Variants in RBBP8 observed in about 807,000 individuals in gnomAD.
RBBP8 encodes the protein DNA endonuclease RBBP8.
A neutral mutation model predicts 108.3 loss-of-function variants in RBBP8; 88 were observed. The observed-to-expected ratio is 0.81, with a 90% CI of 0.68 to 0.97. The LOEUF (loss-of-function observed/expected upper bound fraction) is 0.97, where lower values mean the gene tolerates loss of function less well. Ranked by LOEUF, RBBP8 falls within the 50% of genes least tolerant of loss-of-function variation. The pLI is 0.00. For synonymous variants in RBBP8, 332 were observed against 348.2 expected, an observed-to-expected ratio of 0.95 and a Z score of 0.52; for missense variants, 1,023 against 1,049.0, an observed-to-expected ratio of 0.98 and a Z score of 0.34.
At chr18:23,022,643 A>AAATAAAATAAAATAAATAC (rs1203840744) in intron 18 of RBBP8, among the ~76,000 whole-genome samples, 2 of 57,592 alleles carry the variant, frequency 3.5e-5, no homozygotes, top group Admixed American at 3.5e-4. Flanking sequence ...AAAATAAATA[A>AAATAAAATAAAATAAATAC]AATACAATAT....
At chr18:22,980,714 GTTT>G (rs78281669) in intron 6 of RBBP8, among the ~76,000 whole-genome samples, 4 of 136,866 alleles carry the variant, frequency 2.9e-5, no homozygotes, top group Non-Finnish European at 4.8e-5. Context: ...TCTTTTTGGG[GTTT>G]TTTTTTTTTT....
chr18:22,973,142 G>A (rs549580152), intron 5 of RBBP8, among the ~76,000 whole-genome samples: 5 of 152,202 alleles, frequency 3.3e-5, no homozygotes, highest in African/African-American at 7.2e-5. Flanking sequence ...TTATTTACCC[G>A]TTTAGCAATT....
intron 3 of RBBP8, among the ~76,000 whole-genome samples, chr18:22,921,485 T>G (rs1453893666): frequency 1.3e-5 from 2 of 152,208 alleles, no homozygotes. Context: ...CTGTAAAGTT[T>G]CACCTGCATG....
chr18:22,945,089 T>C (rs895043845), intron 2 of RBBP8, among the ~76,000 whole-genome samples: 40 of 152,296 alleles, frequency 2.6e-4, no homozygotes, highest in African/African-American at 9.4e-4. Context: ...TATTCTTGGG[T>C]TCTTCGGAAA....
At position 22,992,983 on chromosome 18, in the gene RBBP8, A is replaced by C. The variant is rs1223514018; in HGVS notation, c.1156A>C (p.Thr386Pro). 2.5e-6 allele frequency: 4 copies of C among 1,613,614 alleles called. No individual in the cohort carries two copies. The highest frequency in any genetic ancestry group is 3.4e-6 in the Non-Finnish European group (4 of 1,179,524). ...AAAATCTGAAGATAGTGCCCTTTTC[A>C]CACATCACAGTCTTGGGTCTGAAGT... ...RSKSEDSALF[T>P]HHSLGSEVNK... The change falls in exon 11 of 19, where the codon ACA (threonine) becomes CCA (proline). Residue 386 changes from threonine to proline, a missense_variant. By Grantham distance (38) the Thr-to-Pro change is conservative. Coordinates refer to ENST00000327155, the MANE Select transcript of RBBP8 (RefSeq NM_002894.3).
intron 15 of RBBP8, among the ~76,000 whole-genome samples, chr18:23,006,144 C>G (rs765547694): frequency 3.3e-5 from 5 of 151,638 alleles, no homozygotes; most frequent in African/African-American, 4.8e-5. Context: ...AGAGATTGTG[C>G]CACTGCACTC....
chr18:22,962,344 C>T (rs1312962277), intron 4 of RBBP8, among the ~76,000 whole-genome samples: 1 of 152,004 alleles, frequency 6.6e-6, no homozygotes, highest in African/African-American at 2.4e-5. Flanking sequence ...ATTTTGTACT[C>T]TATCCTCATT....
chr18:22,935,232 A>T (rs1232445185), intron 1 of RBBP8, among the ~76,000 whole-genome samples: 2 of 151,354 alleles, frequency 1.3e-5, no homozygotes, highest in Non-Finnish European at 2.9e-5. Flanking sequence ...CAGCTTCAGA[A>T]ATTGTTGAAG....
chr18:22,975,004 C>A, intron 5 of RBBP8, 149 bp from the exon 6 acceptor site: 2 of 999,248 alleles, frequency 2.0e-6, no homozygotes, highest in Non-Finnish European at 2.8e-6. Flanking sequence ...ATTAGTTTTG[C>A]GCACACTAGT....
chr18:22,946,956 T>A (rs1383062298), intron 3 of RBBP8, among the ~76,000 whole-genome samples: 1 of 152,110 alleles, frequency 6.6e-6, no homozygotes, highest in Non-Finnish European at 1.5e-5. Flanking sequence ...TGAAATTACT[T>A]GAAGATTCTC....
intron 10 of RBBP8, among the ~76,000 whole-genome samples, chr18:22,992,186 G>A (rs1313229482): frequency 2.6e-5 from 4 of 152,108 alleles, no homozygotes; most frequent in Non-Finnish European, 2.9e-5. Flanking sequence ...AAGAACTTAG[G>A]TTCTCAGTGG....
At position 22,959,572 on chromosome 18, in the gene RBBP8, TC is replaced by T. The variant is rs1335819494; in HGVS notation, c.249-9233del. 7.2e-5 allele frequency among the ~76,000 whole-genome samples: 11 copies of T among 152,300 alleles called. No homozygotes were observed. The East Asian group carries it at 2.1e-3, about 29-fold the overall frequency. Reference sequence around the variant, plus strand: ...TTAGTCAGAGACTGATTTTTTATCATCTTTTCTCTTATTTTCTATTACTTGT... The same window carrying T: ...TTAGTCAGAGACTGATTTTTTATCATTTTTCTCTTATTTTCTATTACTTGT... On this transcript the variant is annotated intron_variant, in intron 4 of 18. Transcript: ENST00000327155.
At chr18:22,919,080 A>G (rs1461172711) in intron 3 of RBBP8, among the ~76,000 whole-genome samples, 1 of 152,240 alleles carries the variant, frequency 6.6e-6, no homozygotes, top group African/African-American at 2.4e-5. Context: ...AAGATAGAAG[A>G]GGATTTAACA....
chr18:22,951,261 C>A (rs1347315716), intron 4 of RBBP8, among the ~76,000 whole-genome samples: 4 of 152,050 alleles, frequency 2.6e-5, no homozygotes, highest in African/African-American at 9.7e-5. Flanking sequence ...TGAGACAGTG[C>A]AAGTAACAAT....
intron 10 of RBBP8, among the ~76,000 whole-genome samples, chr18:22,991,882 A>C (rs527396624): frequency 6.6e-6 from 1 of 152,202 alleles, no homozygotes; most frequent in African/African-American, 2.4e-5. Context: ...CTATATATGT[A>C]TATCACAGTC....
In RBBP8 at chr18:22,959,870, C is replaced by CTTTTT. The variant is rs35259762; in HGVS notation, c.249-8919_249-8915dup. Among the ~76,000 whole-genome samples the CTTTTT allele has an allele frequency of 1.3e-3, 110 of 86,308 alleles. 2 individuals carry two copies. The highest frequency in any genetic ancestry group is 1.8e-3 in the Non-Finnish European group (79 of 44,614). 56.6% of individuals were successfully genotyped at this position (86,308 alleles called of 152,430 possible). On this transcript the variant is annotated intron_variant, in intron 4 of 18. Coordinates refer to ENST00000327155, the MANE Select transcript of RBBP8 (RefSeq NM_002894.3). ...TAAAAATCTATATAAGATGAACTTT[C>CTTTTT]TTTTTTTTTTTTTTTTTTTTTGGTG...
At chr18:23,012,579 T>G (rs1244421110) in intron 16 of RBBP8, among the ~76,000 whole-genome samples, 1 of 152,128 alleles carries the variant, frequency 6.6e-6, no homozygotes, top group Non-Finnish European at 1.5e-5. Context: ...TCTATTTAGT[T>G]TGAGGAAGCT....
intron 4 of RBBP8, among the ~76,000 whole-genome samples, chr18:22,959,283 T>C (rs1475127826): frequency 6.6e-6 from 1 of 152,250 alleles, no homozygotes; most frequent in Non-Finnish European, 1.5e-5. Context: ...CCCTGAAAAC[T>C]TTGAAGGCAT....
intron 3 of RBBP8, among the ~76,000 whole-genome samples, chr18:22,918,307 A>G (rs983558458): frequency 6.6e-6 from 1 of 152,198 alleles, no homozygotes; most frequent in Non-Finnish European, 1.5e-5. Flanking sequence ...TTGTTGTGTG[A>G]ACATTATAAA....
Sources: allele counts gnomAD v4.1 joint callset (sites outside exome capture counted in the v4.1 genomes callset), GRCh38; gene constraint gnomAD v4.1.1; transcripts MANE v1.5; gene names NCBI Gene and HGNC (gene_info 2026-07-23, HGNC 2026-07-21).